The following DPP6 variants were observed in gnomAD, a reference collection of about 807,000 sequenced individuals.
DPP6 encodes the protein dipeptidyl peptidase like 6.
DPP6 carries 69 observed loss-of-function variants against 122.6 expected under a neutral mutation model. That is an observed-to-expected ratio of 0.56 (90% CI 0.46 to 0.69). The LOEUF is 0.69. Ranked by LOEUF, DPP6 falls within the 30% of genes least tolerant of loss-of-function variation. DPP6 has a pLI of 0.00. For missense variants in DPP6, 928 were observed against 1,116.9 expected, an observed-to-expected ratio of 0.83 and a Z score of 2.41; for synonymous variants, 418 against 433.1, an observed-to-expected ratio of 0.97 and a Z score of 0.43.
chr7:154,332,314 C>T (rs1006928057), intron 1 of DPP6, among the ~76,000 whole-genome samples: 1 of 152,226 alleles, frequency 6.6e-6, no homozygotes, highest in African/African-American at 2.4e-5. Flanking sequence ...TCAGGTGATC[C>T]ACCCGCCTCA....
chr7:154,227,079 T>C (rs1800648333), intron 1 of DPP6, among the ~76,000 whole-genome samples: 1 of 152,146 alleles, frequency 6.6e-6, no homozygotes, highest in African/African-American at 2.4e-5. Context: ...TTCTGGGTAT[T>C]TCTCCAAGAG....
rs946297476 is a variant in DPP6, at chr7:154,626,117, T to G, written c.628-11704T>G. On this transcript the variant is annotated intron_variant, in intron 5 of 25. Transcript: ENST00000377770. The stretch of plus-strand genomic sequence containing the variant: ...CATGCTGGTGTGCATCCTGGAAAAT[T>G]AGTTAGGAGGAAATTCTCATGGGTT... Among the ~76,000 whole-genome samples the G allele has an allele frequency of 4.6e-5, 7 of 152,206 alleles. No individual in the cohort carries two copies. The South Asian group carries it at 1.5e-3, about 32-fold the overall frequency.
chr7:153,877,066 C>T, the DPP6 span, among the ~76,000 whole-genome samples: 1 of 151,972 alleles, frequency 6.6e-6, no homozygotes, highest in South Asian at 2.1e-4. Flanking sequence ...CTACTGTAGA[C>T]TTTCCCAACA....
chr7:154,263,612 A>G (rs986964452), intron 1 of DPP6, among the ~76,000 whole-genome samples: 3 of 152,126 alleles, frequency 2.0e-5, no homozygotes, highest in African/African-American at 7.2e-5. Flanking sequence ...TCCTCCTACA[A>G]TATCTCTTTT....
At chr7:154,771,082 C>A (rs1331691536) in intron 9 of DPP6, among the ~76,000 whole-genome samples, 1 of 152,220 alleles carries the variant, frequency 6.6e-6, no homozygotes, top group Non-Finnish European at 1.5e-5. Flanking sequence ...GCTCTGAAAG[C>A]TGATGGTATG....
At chr7:154,405,883 C>G (rs1816045509) in intron 1 of DPP6, among the ~76,000 whole-genome samples, 1 of 152,166 alleles carries the variant, frequency 6.6e-6, no homozygotes, top group Admixed American at 6.6e-5. Flanking sequence ...TGAATGGACT[C>G]ATATTTATGT....
At chr7:153,785,037 A>T in the DPP6 span, among the ~76,000 whole-genome samples, 1 of 152,246 alleles carries the variant, frequency 6.6e-6, no homozygotes, top group East Asian at 1.9e-4. Flanking sequence ...ACAAATCCAC[A>T]GTAATCAATA....
At chr7:154,178,471 G>T (rs948354031) in intron 1 of DPP6, among the ~76,000 whole-genome samples, 1 of 143,180 alleles carries the variant, frequency 7.0e-6, no homozygotes, top group African/African-American at 2.6e-5. Flanking sequence ...CCCAGCAATT[G>T]TTTCACAGTT....
intron 1 of DPP6, among the ~76,000 whole-genome samples, chr7:153,905,267 A>G (rs957296383): frequency 2.0e-5 from 3 of 152,154 alleles, no homozygotes; most frequent in Non-Finnish European, 4.4e-5. Context: ...TCTGGTTCGT[A>G]TGATTATGTT....
intron 1 of DPP6, among the ~76,000 whole-genome samples, chr7:153,996,915 G>A (rs1329065141): frequency 6.6e-6 from 1 of 152,120 alleles, no homozygotes; most frequent in African/African-American, 2.4e-5. Context: ...TCTGTTTGGA[G>A]TTACCCCCAT....
At chr7:154,727,914 G>A (rs1401681197) in intron 8 of DPP6, 27 bp downstream of exon 8, 2 of 1,562,304 alleles carry the variant, frequency 1.3e-6, no homozygotes, top group African/African-American at 2.7e-5. Flanking sequence ...GAGAAAAAAG[G>A]AAGATTTGTG....
chr7:154,387,832 C>T (rs888142456), intron 1 of DPP6, among the ~76,000 whole-genome samples: 1 of 152,158 alleles, frequency 6.6e-6, no homozygotes, highest in African/African-American at 2.4e-5. Flanking sequence ...GCTCTTTGTA[C>T]GCCATACCTT....
chr7:154,083,908 A>C (rs1252346533), intron 1 of DPP6, among the ~76,000 whole-genome samples: 1 of 146,596 alleles, frequency 6.8e-6, no homozygotes, highest in African/African-American at 2.7e-5. Context: ...CAGCTGCCTT[A>C]TGAATCATGA....
chr7:154,740,412 A>G (rs1160757546), intron 8 of DPP6, among the ~76,000 whole-genome samples: 1 of 152,172 alleles, frequency 6.6e-6, no homozygotes, highest in Admixed American at 6.5e-5. Context: ...GATAGGCAAC[A>G]AGACAATATG....
intron 1 of DPP6, among the ~76,000 whole-genome samples, chr7:154,306,321 C>G (rs1178958034): frequency 6.6e-6 from 1 of 152,200 alleles, no homozygotes; most frequent in Non-Finnish European, 1.5e-5. Context: ...GTGTAGACAT[C>G]GTAATTCCCT....
At chr7:154,173,681 G>A (rs1011312087) in intron 1 of DPP6, among the ~76,000 whole-genome samples, 7 of 152,110 alleles carry the variant, frequency 4.6e-5, no homozygotes, top group South Asian at 2.1e-4. Context: ...TCCTCTGGAC[G>A]TCAGCTGCCA....
intron 5 of DPP6, among the ~76,000 whole-genome samples, chr7:154,631,458 A>G (rs1835402065): frequency 7.1e-6 from 1 of 140,898 alleles, no homozygotes; most frequent in African/African-American, 2.8e-5. Flanking sequence ...AAGTGAATAG[A>G]AAGTGAGCCA....
chr7:153,890,263 A>T (rs946137619), intron 1 of DPP6, among the ~76,000 whole-genome samples: 2 of 152,184 alleles, frequency 1.3e-5, no homozygotes, highest in African/African-American at 4.8e-5. Context: ...AGCTGTCTGG[A>T]CTCGCATTTG....
intron 3 of DPP6, among the ~76,000 whole-genome samples, chr7:154,511,548 T>C (rs536438629): frequency 6.6e-6 from 1 of 152,326 alleles, no homozygotes; most frequent in African/African-American, 2.4e-5. Context: ...TTGTAAATAA[T>C]CTGTAGAAAT....
Sources: allele counts gnomAD v4.1 joint callset (sites outside exome capture counted in the v4.1 genomes callset), GRCh38; gene constraint gnomAD v4.1.1; transcripts MANE v1.5; gene names NCBI Gene and HGNC (gene_info 2026-07-23, HGNC 2026-07-21).